IKBKB: variants seen among roughly 807,000 people sequenced by gnomAD.
The protein encoded by IKBKB is inhibitor of nuclear factor kappa-B kinase subunit beta.
In IKBKB, 42 loss-of-function variants were observed where a neutral mutation model predicts 113.6. That is an observed-to-expected ratio of 0.37 (90% CI 0.29 to 0.48). The LOEUF (loss-of-function observed/expected upper bound fraction) is 0.48, where lower values mean the gene tolerates loss of function less well. Among genes scored for constraint, IKBKB ranks in the 20% least tolerant of loss-of-function variants. IKBKB has a pLI of 0.99. For missense variants in IKBKB, 673 were observed against 939.7 expected (o/e 0.72, Z 3.71); for synonymous variants, 296 against 361.3 (o/e 0.82, Z 2.05).
intron 3 of IKBKB, 77 bp downstream of exon 3, chr8:42,288,805 C>G: frequency 1.2e-5 from 15 of 1,211,682 alleles, no homozygotes; most frequent in Non-Finnish European, 1.8e-5. Context: ...GAGAGTCTTG[C>G]TGGGTGCGTG....
intron 20 of IKBKB, among the ~76,000 whole-genome samples, chr8:42,328,879 T>C (rs1409985715): frequency 1.3e-5 from 2 of 152,234 alleles, no homozygotes; most frequent in African/African-American, 4.8e-5. Flanking sequence ...TTTTTGCTTC[T>C]GACTTTTATT....
At chr8:42,325,689 G>C in intron 19 of IKBKB, 1 of 1,189,826 alleles carries the variant, frequency 8.4e-7, no homozygotes, top group Non-Finnish European at 1.0e-6. Flanking sequence ...TAATCAATCA[G>C]TAAAGCTGAT....
Position 42,316,796 on chromosome 8 carries a change from A to G in IKBKB, c.1017A>G (p.Arg339=). ...EDESLQSLKA[R]IQQDTGIPEE... is the part of the protein sequence containing the mutation. The stretch of plus-strand genomic sequence containing the variant: ...AGAGTCTGCAGAGCTTGAAGGCCAG[A>G]ATCCAACAGGACACGGGCATCCCAG... The change falls in exon 11 of 22, where the codon AGA becomes AGG. Residue 339 remains arginine, a synonymous_variant. Coordinates refer to ENST00000520810, the MANE Select transcript of IKBKB (RefSeq NM_001556.3). The surrounding 1 kb of genome is among the most constrained non-coding windows in gnomAD (Gnocchi z 4.5). The G allele has an allele frequency of 6.2e-7, 1 of 1,614,140 alleles. No individual in the cohort carries two copies. Among genetic ancestry groups the G allele is most frequent in the Non-Finnish European group, 8.5e-7 (1 of 1,180,026 alleles).
Position 42,316,803 on chromosome 8 carries a change from C to A in IKBKB, c.1024C>A (p.Gln342Lys). 1 of 1,614,176 alleles carries A rather than the reference C, an allele frequency of 6.2e-7. No individual in the cohort carries two copies. Among genetic ancestry groups the A allele is most frequent in the East Asian group, 2.2e-5 (1 of 44,872 alleles). ...SLQSLKARIQ[Q>K]DTGIPEEDQE... ...GCAGAGCTTGAAGGCCAGAATCCAA[C>A]AGGACACGGGCATCCCAGAGGAGGA... Residue 342 changes from glutamine to lysine, a missense_variant, in exon 11 of 22, where the codon CAG (glutamine) becomes AAG (lysine). Physicochemically the swap from Gln to Lys is moderately conservative, Grantham distance 53. Transcript: ENST00000520810. This position sits in a 1 kb window ranked among gnomAD's most constrained non-coding sequence, Gnocchi z 4.5.
At chr8:42,291,459 G>A (rs1299422978) in intron 4 of IKBKB, among the ~76,000 whole-genome samples, 1 of 152,184 alleles carries the variant, frequency 6.6e-6, no homozygotes, top group Non-Finnish European at 1.5e-5. Context: ...GGGATTACAG[G>A]TGTGAGCCAC....
chr8:42,327,231 C>T (rs767064974), intron 20 of IKBKB, among the ~76,000 whole-genome samples: 5 of 151,722 alleles, frequency 3.3e-5, no homozygotes, highest in Admixed American at 6.6e-5. Flanking sequence ...GTATGGCACG[C>T]GCTTGTAATC....
chr8:42,325,773 T>A (rs1820618352), intron 19 of IKBKB, 197 bp from the exon 20 acceptor site: 1 of 1,403,456 alleles, frequency 7.1e-7, no homozygotes, highest in African/African-American at 1.5e-5. Context: ...CTCAAAAGTC[T>A]CCGTTGATAC....
chr8:42,294,859 T>C (rs1208709610), intron 5 of IKBKB, among the ~76,000 whole-genome samples: 3 of 152,206 alleles, frequency 2.0e-5, no homozygotes, highest in African/African-American at 7.2e-5. Flanking sequence ...CCCATCCATG[T>C]TTTGCTTGGA....
chr8:42,300,313 A>C (rs909734883), intron 5 of IKBKB, among the ~76,000 whole-genome samples: 3 of 152,180 alleles, frequency 2.0e-5, no homozygotes, highest in Non-Finnish European at 4.4e-5. Flanking sequence ...TTTCTCACTC[A>C]GTGATGACTT....
At chr8:42,313,226 G>A (rs1563347371) in intron 8 of IKBKB, among the ~76,000 whole-genome samples, 1 of 152,122 alleles carries the variant, frequency 6.6e-6, no homozygotes, top group South Asian at 2.1e-4. Context: ...CAAAGTGAGC[G>A]AATTGCTTGA....
Position 42,271,312 on chromosome 8 carries a change from A to C in IKBKB, c.-176A>C, listed in dbSNP as rs1443375706. 1 of 948,094 alleles carries C rather than the reference A, an allele frequency of 1.1e-6. No individual in the cohort carries two copies. The highest frequency in any genetic ancestry group is 1.6e-5 in the African/African-American group (1 of 61,616). The allele number at this position is 948,094 out of a possible 1,614,324, so 58.7% of individuals were successfully genotyped here. On this transcript the variant is annotated 5_prime_UTR_variant, in exon 1 of 22. Transcript: ENST00000520810. ...CGGCCAACGTGCTCCGTGACGTCAG[A>C]GCAGGAAGTGTTTGAGGAAGTCGCG...
chr8:42,276,534 A>G (rs1809126840), intron 2 of IKBKB, among the ~76,000 whole-genome samples: 1 of 152,092 alleles, frequency 6.6e-6, no homozygotes, highest in African/African-American at 2.4e-5. Flanking sequence ...CCCATTCCAT[A>G]AGTTGTCTCC....
In IKBKB at chr8:42,330,993, G is replaced by A. The variant is rs202224656; in HGVS notation, c.*14G>A. The A allele has an allele frequency of 1.9e-6, 3 of 1,613,460 alleles. No homozygotes were observed. The highest frequency in any genetic ancestry group is 2.5e-6 in the Non-Finnish European group (3 of 1,179,926). ...CAGGCCTCATGATGTGGGGGGACTC[G>A]ACCCCCTGACATGGGGCAGCCCATA... On this transcript the variant is annotated 3_prime_UTR_variant, in exon 22 of 22. Transcript: ENST00000520810.
Position 42,308,902 on chromosome 8 carries a change from C to T in IKBKB, c.569C>T (p.Ala190Val). 1.2e-6 allele frequency: 2 copies of T among 1,613,916 alleles called. No individual in the cohort carries two copies. The highest frequency in any genetic ancestry group is 1.7e-6 in the Non-Finnish European group (2 of 1,179,856). Reference sequence around the variant, plus strand: ...GTGTACCCCCTCCTGTTGCTGCAGGCCCCAGAGCTACTGGAGCAGCAGAAG... The same window carrying T: ...GTGTACCCCCTCCTGTTGCTGCAGGTCCCAGAGCTACTGGAGCAGCAGAAG... ...TSFVGTLQYLAPELLEQQKYT... is the reference protein window; with the variant it reads ...TSFVGTLQYLVPELLEQQKYT... The change falls in exon 8 of 22, where the codon GCC (alanine) becomes GTC (valine). Residue 190 changes from alanine (A) to valine (V), a missense_variant and splice_region_variant. By Grantham distance (64) the Ala-to-Val change is moderately conservative. Transcript: ENST00000520810.
intron 15 of IKBKB, chr8:42,319,914 A>C (rs1309931861): frequency 1.3e-5 from 5 of 396,234 alleles, no homozygotes; most frequent in Non-Finnish European, 2.2e-5. Flanking sequence ...CCTTGGGGAA[A>C]AGCCAAGACC....
At chr8:42,325,419 G>A in intron 19 of IKBKB, 2 of 984,556 alleles carry the variant, frequency 2.0e-6, no homozygotes, top group Non-Finnish European at 2.4e-6. Context: ...TGGATGCAGT[G>A]GATCATGAAT....
At chr8:42,295,390 A>G (rs1813552111) in intron 5 of IKBKB, among the ~76,000 whole-genome samples, 1 of 150,998 alleles carries the variant, frequency 6.6e-6, no homozygotes, top group Non-Finnish European at 1.5e-5. Flanking sequence ...AAGTGCCGAG[A>G]TTACAGGCAT....
Position 42,309,160 on chromosome 8 carries a change from C to CA in IKBKB, c.692+136dup, listed in dbSNP as rs1817190183. ...TTTCTCTTCCGAGAGGAAGGCCTGT[C>CA]AGGACCTAGCACGAGTAGGGGAGTG... is the stretch of plus-strand genomic sequence containing the variant. On this transcript the variant is annotated intron_variant, in intron 8 of 21. Transcript: ENST00000520810. 11 of 956,402 alleles carry CA rather than the reference C, an allele frequency of 1.2e-5. No homozygotes were observed. In the South Asian group the frequency reaches 1.7e-4, roughly 15 times the overall value. The allele number at this position is 956,402 out of a possible 1,614,324, so 59.2% of individuals were successfully genotyped here. A position where few individuals can be genotyped will look rare whatever the true frequency, so the allele number is the denominator to read the frequency against.
At chr8:42,311,763 T>A (rs1817748902) in intron 8 of IKBKB, among the ~76,000 whole-genome samples, 1 of 152,198 alleles carries the variant, frequency 6.6e-6, no homozygotes, top group Non-Finnish European at 1.5e-5. Context: ...CAGGCATTGC[T>A]CCTTTAGCTA....
Sources: gnomAD v4.1 joint callset for allele counts (sites outside exome capture counted in the v4.1 genomes callset) on GRCh38, gnomAD v4.1.1 for gene constraint, Gnocchi (gnomAD v3.1) non-coding constraint, MANE v1.5 for transcripts, NCBI Gene and HGNC (gene_info 2026-07-23, HGNC 2026-07-21) for gene names.